Variants in NSMCE2 observed in about 807,000 individuals in gnomAD.
NSMCE2 encodes NSE2 SUMO ligase component of SMC5/6 complex.
NSMCE2 carries 24 observed loss-of-function variants against 23.8 expected under a neutral mutation model. That is an observed-to-expected ratio of 1.01 (90% CI 0.73 to 1.42). The LOEUF (loss-of-function observed/expected upper bound fraction) is 1.42, where lower values mean the gene tolerates loss of function less well. Ranked by LOEUF, NSMCE2 falls within the 40% of genes most tolerant of loss-of-function variation. The pLI is 0.00. For missense variants in NSMCE2, 284 were observed against 296.5 expected, an observed-to-expected ratio of 0.96 and a Z score of 0.31; for synonymous variants, 92 against 94.1, an observed-to-expected ratio of 0.98 and a Z score of 0.13.
chr8:125,182,569 A>G, intron 5 of NSMCE2: 1 of 444,794 alleles, frequency 2.2e-6, no homozygotes, highest in Non-Finnish European at 3.9e-6. Flanking sequence ...TTTTATTTAA[A>G]TAACAATGGT....
At chr8:125,358,222 A>G (rs1305807922) in intron 7 of NSMCE2, among the ~76,000 whole-genome samples, 1 of 151,742 alleles carries the variant, frequency 6.6e-6, no homozygotes, top group African/African-American at 2.4e-5. Context: ...AATCCCAGCT[A>G]CTCGGGAGGC....
chr8:125,192,804 C>T (rs1257869566), intron 5 of NSMCE2, among the ~76,000 whole-genome samples: 1 of 152,180 alleles, frequency 6.6e-6, no homozygotes, highest in Non-Finnish European at 1.5e-5. Flanking sequence ...CTCATGTCCT[C>T]ACATAGGGGA....
chr8:125,218,750 G>C (rs1009617087), intron 5 of NSMCE2, among the ~76,000 whole-genome samples: 1 of 151,998 alleles, frequency 6.6e-6, no homozygotes, highest in Non-Finnish European at 1.5e-5. Flanking sequence ...AGTATAGAGA[G>C]TTTCAGTTTT....
chr8:125,326,968 G>A (rs1563787207), intron 5 of NSMCE2, among the ~76,000 whole-genome samples: 1 of 134,288 alleles, frequency 7.4e-6, no homozygotes, highest in Non-Finnish European at 1.6e-5. Context: ...AAAAAAAAAA[G>A]AGAGAGAGAG....
intron 5 of NSMCE2, among the ~76,000 whole-genome samples, chr8:125,320,700 T>A (rs1392546321): frequency 6.6e-6 from 1 of 151,784 alleles, no homozygotes; most frequent in East Asian, 1.9e-4. Context: ...ATACAAACAA[T>A]AAAAGAATTC....
At chr8:125,260,429 T>C (rs1826637984) in intron 5 of NSMCE2, among the ~76,000 whole-genome samples, 1 of 151,804 alleles carries the variant, frequency 6.6e-6, no homozygotes, top group African/African-American at 2.4e-5. Flanking sequence ...ACTGGGGCTA[T>C]ATCTCTATAC....
intron 5 of NSMCE2, among the ~76,000 whole-genome samples, chr8:125,337,878 C>G (rs1830110696): frequency 9.4e-6 from 1 of 106,596 alleles, no homozygotes; most frequent in African/African-American, 3.2e-5. Context: ...GAGCGAAACT[C>G]TATCTCAAAA....
intron 5 of NSMCE2, among the ~76,000 whole-genome samples, chr8:125,327,135 G>A (rs1375136561): frequency 2.0e-5 from 3 of 151,266 alleles, no homozygotes; most frequent in East Asian, 1.9e-4. Context: ...GCGTGGTGGC[G>A]AGCACTTGTA....
At position 125,182,176 on chromosome 8, in the gene NSMCE2, G is replaced by T; in HGVS notation, c.338G>T (p.Ser113Ile). The T allele has an allele frequency of 6.2e-7, 1 of 1,605,812 alleles. No homozygotes were observed. Among genetic ancestry groups the T allele is most frequent in the Non-Finnish European group, 8.5e-7 (1 of 1,174,990 alleles). Residue 113 changes from serine to isoleucine, a missense_variant, in exon 5 of 8, where the codon AGC becomes ATC. Physicochemically the swap from Ser to Ile is moderately radical, Grantham distance 142. This residue lies in a region of NSMCE2 where 182 missense variants were observed against 155.5 expected (regional missense o/e 1.17). Coordinates refer to ENST00000287437, the MANE Select transcript of NSMCE2 (RefSeq NM_173685.4). ...GAGAAGAAATTTTTGGCTTTACAGA[G>T]CAAGAATTCTGATGCAGACTTTCAA... Reference protein sequence around the residue: ...LVEKKFLALQSKNSDADFQNN... With the variant: ...LVEKKFLALQIKNSDADFQNN...
chr8:125,172,111 C>G (rs2130770818), intron 4 of NSMCE2, among the ~76,000 whole-genome samples: 1 of 152,166 alleles, frequency 6.6e-6, no homozygotes, highest in Non-Finnish European at 1.5e-5. Flanking sequence ...GAAACTTGCC[C>G]AAGATTACAC....
intron 3 of NSMCE2, among the ~76,000 whole-genome samples, chr8:125,125,146 T>G (rs1231508696): frequency 6.6e-6 from 1 of 152,086 alleles, no homozygotes; most frequent in Non-Finnish European, 1.5e-5. Context: ...ATTTTTTCCT[T>G]TCCAATCTGG....
intron 4 of NSMCE2, among the ~76,000 whole-genome samples, chr8:125,174,866 G>A (rs1421214600): frequency 6.6e-6 from 1 of 152,158 alleles, no homozygotes; most frequent in Non-Finnish European, 1.5e-5. Context: ...ATGGCACTAG[G>A]AAACACACTC....
At chr8:125,187,374 A>G (rs545922665) in intron 5 of NSMCE2, among the ~76,000 whole-genome samples, 2 of 152,362 alleles carry the variant, frequency 1.3e-5, no homozygotes, top group African/African-American at 4.8e-5. Flanking sequence ...CACTAGCCCA[A>G]GTTGTGAAAT....
intron 5 of NSMCE2, among the ~76,000 whole-genome samples, chr8:125,339,472 T>C (rs1292616106): frequency 6.6e-6 from 1 of 152,146 alleles, no homozygotes; most frequent in Non-Finnish European, 1.5e-5. Flanking sequence ...AGCTTCTGTA[T>C]AGCTTACATT....
At chr8:125,279,670 A>G (rs941594609) in intron 5 of NSMCE2, among the ~76,000 whole-genome samples, 2 of 152,246 alleles carry the variant, frequency 1.3e-5, no homozygotes, top group African/African-American at 4.8e-5. Flanking sequence ...GAGTTGAATC[A>G]TAACTTATAA....
chr8:125,111,176 T>C (rs1818728586), intron 3 of NSMCE2, among the ~76,000 whole-genome samples: 1 of 152,220 alleles, frequency 6.6e-6, no homozygotes, highest in South Asian at 2.1e-4. Context: ...AAGTTTTCAC[T>C]GTGTGGCAGT....
rs1286288703 is a variant in NSMCE2, at chr8:125,156,556, T to C, written c.264+5279T>C. Among the ~76,000 whole-genome samples, 3 of 152,184 alleles carry C rather than the reference T, an allele frequency of 2.0e-5. No homozygotes were observed. The East Asian group carries it at 5.8e-4, about 29-fold the overall frequency. ...TTAACTGGAGCAAGTAGGTGCTAGG[T>C]TGGTCCATTTGTATTGTTTTTTATA... On this transcript the variant is annotated intron_variant, in intron 4 of 7. Transcript: ENST00000287437.
intron 3 of NSMCE2, among the ~76,000 whole-genome samples, chr8:125,126,195 C>A (rs1429785561): frequency 6.6e-6 from 1 of 151,974 alleles, no homozygotes; most frequent in Non-Finnish European, 1.5e-5. Flanking sequence ...CCAGCTTGGC[C>A]AACTTGGTGA....
intron 5 of NSMCE2, among the ~76,000 whole-genome samples, chr8:125,356,326 G>GTTTTTTT (rs747884264): frequency 2.8e-5 from 3 of 105,456 alleles, no homozygotes; most frequent in South Asian, 3.3e-4. Flanking sequence ...TAATTTTTTG[G>GTTTTTTT]TTTTTTTTTT....
Sources: gnomAD v4.1 joint callset for allele counts (sites outside exome capture counted in the v4.1 genomes callset) on GRCh38, gnomAD v4.1.1 for gene constraint, gnomAD v4.1.1 regional missense constraint, MANE v1.5 for transcripts, NCBI Gene and HGNC (gene_info 2026-07-23, HGNC 2026-07-21) for gene names.